Variants in TM7SF3 observed in about 807,000 individuals in gnomAD.
The protein encoded by TM7SF3 is seven span transmembrane protein.
In TM7SF3, 60 loss-of-function variants were observed where a neutral mutation model predicts 65.5. The observed-to-expected ratio is 0.92, with a 90% CI of 0.74 to 1.14. TM7SF3 has a LOEUF of 1.14. Ranked by LOEUF, TM7SF3 falls within the 50% of genes most tolerant of loss-of-function variation. The probability of loss-of-function intolerance (pLI) is 0.00; values close to 1 mark genes in which losing one functional copy is unlikely to be tolerated. For synonymous variants in TM7SF3, 264 were observed against 259.6 expected (o/e 1.02, Z -0.16); for missense variants, 623 against 684.8 (o/e 0.91, Z 1.01).
chr12:26,982,570 A>T (rs1438360948), intron 7 of TM7SF3, among the ~76,000 whole-genome samples: 1 of 152,218 alleles, frequency 6.6e-6, no homozygotes, highest in African/African-American at 2.4e-5. Flanking sequence ...CCCTGTTAAT[A>T]AGAGAAGGTT....
At chr12:26,980,374 C>T in intron 8 of TM7SF3, 192 bp downstream of exon 8, 1 of 574,778 alleles carries the variant, frequency 1.7e-6, no homozygotes, top group Non-Finnish European at 3.0e-6. Flanking sequence ...AGGAATTCAC[C>T]ATACAGATTA....
intron 1 of TM7SF3, among the ~76,000 whole-genome samples, chr12:27,011,104 T>TC (rs1368409591): frequency 4.6e-5 from 7 of 152,194 alleles, no homozygotes; most frequent in Admixed American, 3.9e-4. Flanking sequence ...CCTCCCAATT[T>TC]CTCATTGTTA....
intron 5 of TM7SF3, among the ~76,000 whole-genome samples, chr12:26,991,686 A>G (rs1391498401): frequency 6.6e-6 from 1 of 152,222 alleles, no homozygotes; most frequent in East Asian, 1.9e-4. Context: ...AACTGTTAAT[A>G]TTACTCCCAA....
intron 7 of TM7SF3, 96 bp from the exon 8 acceptor site, chr12:26,980,742 A>G: frequency 1.6e-6 from 1 of 622,486 alleles, no homozygotes; most frequent in South Asian, 2.1e-5. Context: ...TTAATCTACA[A>G]ATACATGCTT....
At chr12:26,980,056 C>T in intron 8 of TM7SF3, 120 bp from the exon 9 acceptor site, 1 of 1,196,600 alleles carries the variant, frequency 8.4e-7, no homozygotes, top group Non-Finnish European at 1.2e-6. Flanking sequence ...GCACTGAGGG[C>T]TCTTCAGTGG....
intron 1 of TM7SF3, among the ~76,000 whole-genome samples, chr12:27,008,694 T>G (rs1288569167): frequency 1.3e-5 from 2 of 152,214 alleles, no homozygotes; most frequent in Non-Finnish European, 2.9e-5. Context: ...TTTTTACACA[T>G]GGTGTAAGAT....
intron 1 of TM7SF3, chr12:27,012,640 C>T (rs1941288049): frequency 4.4e-6 from 2 of 455,900 alleles, no homozygotes; most frequent in African/African-American, 4.0e-5. Flanking sequence ...TGCCCAAACC[C>T]ATTCACCAAG....
intron 1 of TM7SF3, chr12:27,013,160 T>C (rs1435485498): frequency 5.9e-6 from 1 of 168,842 alleles, no homozygotes; most frequent in African/African-American, 2.4e-5. Context: ...TCTATTAAAT[T>C]GTTATTTTTT....
chr12:27,002,341 G>C (rs2136440063), intron 2 of TM7SF3, among the ~76,000 whole-genome samples: 1 of 152,036 alleles, frequency 6.6e-6, no homozygotes, highest in African/African-American at 2.4e-5. Context: ...GGTGACATGT[G>C]CCTGTAGTTC....
chr12:27,001,487 G>A (rs1409546446), intron 2 of TM7SF3, among the ~76,000 whole-genome samples: 2 of 152,180 alleles, frequency 1.3e-5, no homozygotes, highest in Non-Finnish European at 2.9e-5. Flanking sequence ...GAGAGTCTGA[G>A]TTTTTGAAGG....
At chr12:26,993,472 C>A (rs538047144) in intron 5 of TM7SF3, among the ~76,000 whole-genome samples, 2 of 152,254 alleles carry the variant, frequency 1.3e-5, no homozygotes, top group Non-Finnish European at 1.5e-5. Flanking sequence ...CTAGAATATA[C>A]CACAGGTGAT....
chr12:27,011,409 T>C (rs1456533000), intron 1 of TM7SF3, among the ~76,000 whole-genome samples: 1 of 152,236 alleles, frequency 6.6e-6, no homozygotes, highest in Non-Finnish European at 1.5e-5. Context: ...CTTAAAAGTA[T>C]GATCCATCTC....
At position 26,975,430 on chromosome 12, in the gene TM7SF3, G is replaced by A. The variant is rs1410098011; in HGVS notation, c.1450+66C>T. On this transcript the variant is annotated intron_variant, in intron 11 of 11. Coordinates refer to ENST00000343028, the MANE Select transcript of TM7SF3 (RefSeq NM_016551.3). The stretch of plus-strand genomic sequence containing the variant: ...TTAAATTTAGTTTCCAAGTGCTCTG[G>A]TTAGCATAGGTGGGTCAAGACTCCT... The A allele has an allele frequency of 5.1e-6, 8 of 1,560,902 alleles. No homozygotes were observed. In the Admixed American group the frequency reaches 1.4e-4, roughly 27 times the overall value.
chr12:26,975,784 C>T, intron 10 of TM7SF3, 126 bp from the exon 11 acceptor site: 1 of 1,005,524 alleles, frequency 9.9e-7, no homozygotes. Flanking sequence ...ACCAGACCCA[C>T]TCAGAGCTGA....
intron 6 of TM7SF3, among the ~76,000 whole-genome samples, chr12:26,983,084 C>G (rs1250298120): frequency 1.3e-5 from 2 of 152,082 alleles, no homozygotes; most frequent in Non-Finnish European, 2.9e-5. Context: ...AGAATCCAGA[C>G]AATATATGCT....
intron 9 of TM7SF3, among the ~76,000 whole-genome samples, chr12:26,977,389 G>C (rs1939612948): frequency 6.6e-6 from 1 of 152,262 alleles, no homozygotes; most frequent in Non-Finnish European, 1.5e-5. Flanking sequence ...CACATAAGGT[G>C]AAAACTAGCA....
intron 2 of TM7SF3, among the ~76,000 whole-genome samples, chr12:27,000,423 T>G (rs543750432): frequency 6.6e-6 from 1 of 152,318 alleles, no homozygotes; most frequent in East Asian, 1.9e-4. Flanking sequence ...TTTTAAATTG[T>G]GTTATAACTG....
At position 26,999,562 on chromosome 12, in the gene TM7SF3, G is replaced by A; in HGVS notation, c.361C>T (p.Gln121Ter). The change falls in exon 3 of 12, where the codon CAG (glutamine) becomes TAG (stop). Residue 121 changes from glutamine (Q) to a stop codon, truncating the protein, a stop_gained. Coordinates refer to ENST00000343028, the MANE Select transcript of TM7SF3 (RefSeq NM_016551.3). LOFTEE classifies it high-confidence loss of function. Reference sequence around the variant, plus strand: ...TAGGAGAGTAGGATAGCCATATTCTGGACAGGCTGTATGCCTGAAGTCCCC... The same window carrying A: ...TAGGAGAGTAGGATAGCCATATTCTAGACAGGCTGTATGCCTGAAGTCCCC... ...YLGTSGIQPV[Q>*]NMAILLSYSE... 1 of 1,614,174 alleles carries A rather than the reference G, an allele frequency of 6.2e-7. No individual in the cohort carries two copies. Among genetic ancestry groups the A allele is most frequent in the Non-Finnish European group, 8.5e-7 (1 of 1,180,022 alleles).
intron 8 of TM7SF3, 156 bp from the exon 9 acceptor site, chr12:26,980,092 C>G (rs1237290537): frequency 2.4e-6 from 2 of 834,604 alleles, no homozygotes; most frequent in African/African-American, 3.4e-5. Context: ...ATAGAGCAAC[C>G]CTCTCTAGGG....
Sources: gnomAD v4.1 joint callset for allele counts (sites outside exome capture counted in the v4.1 genomes callset) on GRCh38, gnomAD v4.1.1 for gene constraint, MANE v1.5 for transcripts, NCBI Gene and HGNC (gene_info 2026-07-23, HGNC 2026-07-21) for gene names.